XYLT1: variants seen among roughly 807,000 people sequenced by gnomAD.
XYLT1 encodes xylosyltransferase 1, also known as beta-D-xylosyltransferase 1.
Under a neutral mutation model 91.3 loss-of-function variants are expected in XYLT1, and 36 were observed. That is an observed-to-expected ratio of 0.39 (90% CI 0.30 to 0.52). The LOEUF is 0.52. Among genes scored for constraint, XYLT1 ranks in the 20% least tolerant of loss-of-function variants. XYLT1 has a pLI of 0.68. For missense variants in XYLT1, 1,242 were observed against 1,284.5 expected (o/e 0.97, Z 0.51); for synonymous variants, 588 against 532.0 (o/e 1.11, Z -1.45).
rs2032690438 is a variant in XYLT1, at chr16:17,208,171, A to G, written c.914-7517T>C. Among the ~76,000 whole-genome samples the G allele has an allele frequency of 2.0e-5, 3 of 151,978 alleles. No homozygotes were observed. In the South Asian group the frequency reaches 6.2e-4, roughly 32 times the overall value. On this transcript the variant is annotated intron_variant, in intron 3 of 11. Transcript: ENST00000261381. ...GGGCTAATTTTGAAATGTTTGGTAGAGACAGTGCCTTGCTATGCTGTCCAG... is the reference window on the plus strand; with the variant it reads ...GGGCTAATTTTGAAATGTTTGGTAGGGACAGTGCCTTGCTATGCTGTCCAG...
chr16:17,188,174 G>A (rs926892533), intron 5 of XYLT1, among the ~76,000 whole-genome samples: 1 of 152,074 alleles, frequency 6.6e-6, no homozygotes, highest in South Asian at 2.1e-4. Flanking sequence ...CTGTGGATGT[G>A]GCTCTGGGGT....
At chr16:17,205,446 G>A (rs1465684926) in intron 3 of XYLT1, among the ~76,000 whole-genome samples, 2 of 152,244 alleles carry the variant, frequency 1.3e-5, no homozygotes, top group Non-Finnish European at 1.5e-5. Context: ...AGATGTGAAT[G>A]ACCTTGGACC....
Position 17,259,169 on chromosome 16 carries a change from G to A in XYLT1, c.732C>T (p.Gly244=). 1 of 1,599,694 alleles carries A rather than the reference G, an allele frequency of 6.3e-7. No homozygotes were observed. Among genetic ancestry groups the A allele is most frequent in the Non-Finnish European group, 8.5e-7 (1 of 1,173,004 alleles). Residue 244 remains glycine (G), a synonymous_variant, in exon 3 of 12, where the codon GGC becomes GGT. Transcript: ENST00000261381. ...GGTCATACTTGGTCTCGGGGGAGCT[G>A]CCCCCAGTTTTCCTGGCATGAGGCG... is the stretch of plus-strand genomic sequence containing the variant. ...SRPPHARKTG[G]SSPETKYDQP...
chr16:17,224,334 G>A (rs139889964), intron 3 of XYLT1, among the ~76,000 whole-genome samples: 2 of 152,170 alleles, frequency 1.3e-5, no homozygotes, highest in Non-Finnish European at 2.9e-5. Context: ...ATGACCCAAC[G>A]AACACTTTTA....
chr16:17,331,951 C>A (rs2034904155), intron 2 of XYLT1, among the ~76,000 whole-genome samples: 2 of 152,364 alleles, frequency 1.3e-5, no homozygotes, highest in South Asian at 4.1e-4. Context: ...AGGTACAGTG[C>A]CTGCCTATCC....
rs1038274078 is a variant in XYLT1, at chr16:17,106,223, A to G, written c.*2472T>C. On this transcript the variant is annotated 3_prime_UTR_variant, in exon 12 of 12. Transcript: ENST00000261381. The stretch of plus-strand genomic sequence containing the variant: ...TTCACATTATGCACAGGGACTTGCC[A>G]CTGCTGAGTCCCCAAAGCCACTGCA... The G allele has an allele frequency of 6.6e-6, 1 of 152,232 alleles. No individual in the cohort carries two copies. The highest frequency in any genetic ancestry group is 1.5e-5 in the Non-Finnish European group (1 of 68,052). 9.4% of individuals were successfully genotyped at this position (152,232 alleles called of 1,614,324 possible).
At chr16:17,234,804 T>A (rs1310603378) in intron 3 of XYLT1, among the ~76,000 whole-genome samples, 1 of 152,172 alleles carries the variant, frequency 6.6e-6, no homozygotes. Context: ...CCACAGTAAA[T>A]GATTACTTAG....
intron 5 of XYLT1, among the ~76,000 whole-genome samples, chr16:17,184,197 T>C (rs1477562451): frequency 6.6e-6 from 1 of 150,434 alleles, no homozygotes; most frequent in Non-Finnish European, 1.5e-5. Flanking sequence ...TTTTTTTTTT[T>C]TTTTTTTTGC....
chr16:17,206,721 G>A (rs953415471), intron 3 of XYLT1, among the ~76,000 whole-genome samples: 3 of 152,150 alleles, frequency 2.0e-5, no homozygotes, highest in Non-Finnish European at 4.4e-5. Flanking sequence ...GGGTGACAGA[G>A]TGAGACCCTG....
intron 2 of XYLT1, among the ~76,000 whole-genome samples, chr16:17,332,182 G>A (rs925884103): frequency 6.6e-6 from 1 of 152,230 alleles, no homozygotes; most frequent in Non-Finnish European, 1.5e-5. Flanking sequence ...CACATAAACT[G>A]CTGTCCATCT....
chr16:17,140,722 C>T (rs1273607934), intron 7 of XYLT1, among the ~76,000 whole-genome samples: 1 of 145,594 alleles, frequency 6.9e-6, no homozygotes, highest in Non-Finnish European at 1.5e-5. Context: ...AAAGGGTCAG[C>T]ATATACAGTT....
chr16:17,456,949 T>G (rs1406080910), intron 1 of XYLT1, among the ~76,000 whole-genome samples: 1 of 152,150 alleles, frequency 6.6e-6, no homozygotes, highest in East Asian at 1.9e-4. Context: ...TAATAGATAA[T>G]AGCAATTATT....
intron 1 of XYLT1, among the ~76,000 whole-genome samples, chr16:17,421,023 T>C (rs896703176): frequency 6.6e-6 from 1 of 152,160 alleles, no homozygotes; most frequent in Admixed American, 6.5e-5. Flanking sequence ...CATGTATTAA[T>C]ATCGGCTTCC....
At chr16:17,418,449 G>A (rs1315386423) in intron 1 of XYLT1, among the ~76,000 whole-genome samples, 2 of 152,114 alleles carry the variant, frequency 1.3e-5, no homozygotes, top group Non-Finnish European at 1.5e-5. Context: ...CATATTTGAT[G>A]CAGGTTTGGG....
intron 1 of XYLT1, among the ~76,000 whole-genome samples, chr16:17,462,812 T>C (rs2036840634): frequency 6.6e-6 from 1 of 152,232 alleles, no homozygotes; most frequent in Admixed American, 6.5e-5. Flanking sequence ...CAATTTCAAC[T>C]TCCATTCTTG....
chr16:17,435,217 G>C (rs538752423), intron 1 of XYLT1, among the ~76,000 whole-genome samples: 1 of 152,270 alleles, frequency 6.6e-6, no homozygotes, highest in Admixed American at 6.5e-5. Context: ...CTTCCTCCTG[G>C]GATCTGTCCT....
chr16:17,371,561 T>C (rs149434174), intron 1 of XYLT1, among the ~76,000 whole-genome samples: 6 of 152,354 alleles, frequency 3.9e-5, no homozygotes, highest in Non-Finnish European at 5.9e-5. Flanking sequence ...GGTTAGTCTT[T>C]ATAGGATATG....
At chr16:17,328,009 T>A (rs1485487326) in intron 2 of XYLT1, among the ~76,000 whole-genome samples, 1 of 152,194 alleles carries the variant, frequency 6.6e-6, no homozygotes, top group East Asian at 2.0e-4. Flanking sequence ...GAGAGGACCA[T>A]CATGGAGGGA....
intron 4 of XYLT1, 68 bp downstream of exon 4, chr16:17,200,414 G>C (rs900611985): frequency 1.3e-4 from 196 of 1,557,854 alleles, no homozygotes; most frequent in Non-Finnish European, 1.7e-4. Flanking sequence ...TGCAGAAGGA[G>C]GGTATCAGGG....
Sources: allele counts gnomAD v4.1 joint callset (sites outside exome capture counted in the v4.1 genomes callset), GRCh38; gene constraint gnomAD v4.1.1; transcripts MANE v1.5; gene names NCBI Gene and HGNC (gene_info 2026-07-23, HGNC 2026-07-21).